ASPH: variants seen among roughly 807,000 people sequenced by gnomAD.
The protein encoded by ASPH is aspartyl/asparaginyl beta-hydroxylase.
ASPH carries 100 observed loss-of-function variants against 118.4 expected under a neutral mutation model. The observed-to-expected ratio is 0.84, with a 90% CI of 0.72 to 1.00. The LOEUF (loss-of-function observed/expected upper bound fraction) is 1.00. Among genes scored for constraint, ASPH ranks in the 50% least tolerant of loss-of-function variants. The pLI is 0.00. For synonymous variants in ASPH, 315 were observed against 325.6 expected (o/e 0.97, Z 0.35); for missense variants, 920 against 919.5 (o/e 1.00, Z -0.01).
intron 17 of ASPH, among the ~76,000 whole-genome samples, chr8:61,566,596 T>C (rs1028888462): frequency 2.0e-5 from 3 of 152,248 alleles, no homozygotes; most frequent in Admixed American, 6.5e-5. Flanking sequence ...AAACTACAGA[T>C]AAATCTTTCC....
In ASPH at chr8:61,518,042, C is replaced by T. The variant is rs779611275; in HGVS notation, c.1982G>A (p.Arg661Lys). ...CGACACTCTTGGTACCTGTCCTCTT[C>T]TGCATCCTGTTGTCTCGGGGAACTT... ...LEKFPETTGC[R>K]RGQIKYSIMH... is the part of the protein sequence containing the mutation. The change falls in exon 23 of 25, where the codon AGA becomes AAA. Residue 661 changes from arginine to lysine, a missense_variant. Transcript: ENST00000379454. 1.2e-6 allele frequency: 2 copies of T among 1,613,400 alleles called. No homozygotes were observed. The highest frequency in any genetic ancestry group is 2.2e-5 in the South Asian group (2 of 91,052).
intron 13 of ASPH, chr8:61,624,801 T>C: frequency 1.4e-5 from 14 of 985,700 alleles, no homozygotes; most frequent in Non-Finnish European, 1.7e-5. Flanking sequence ...AAAATATGGC[T>C]TTATAAAAAG....
chr8:61,605,831 G>A (rs1845404312), intron 14 of ASPH, among the ~76,000 whole-genome samples: 1 of 152,156 alleles, frequency 6.6e-6, no homozygotes, highest in African/African-American at 2.4e-5. Context: ...TGCACTAAGT[G>A]TGTTTGATAC....
chr8:61,587,131 G>C (rs1462691203), intron 14 of ASPH, among the ~76,000 whole-genome samples: 1 of 152,074 alleles, frequency 6.6e-6, no homozygotes, highest in Non-Finnish European at 1.5e-5. Context: ...TGTTTGCTAT[G>C]ATCTTCTATT....
At chr8:61,567,385 T>A in intron 16 of ASPH, 67 bp from the exon 17 acceptor site, 1 of 1,457,034 alleles carries the variant, frequency 6.9e-7, no homozygotes, top group Non-Finnish European at 9.2e-7. Flanking sequence ...CCCAAAATAT[T>A]CATAAAAAGT....
chr8:61,591,330 C>T (rs1841058896), intron 14 of ASPH, among the ~76,000 whole-genome samples: 1 of 151,430 alleles, frequency 6.6e-6, no homozygotes, highest in Non-Finnish European at 1.5e-5. Flanking sequence ...GAGTTGCTTG[C>T]TTTATAGAGT....
At chr8:61,551,582 T>C (rs1826030390) in intron 20 of ASPH, among the ~76,000 whole-genome samples, 1 of 152,206 alleles carries the variant, frequency 6.6e-6, no homozygotes, top group South Asian at 2.1e-4. Flanking sequence ...AACAAGTGTA[T>C]AGTAATGAAC....
At chr8:61,575,232 A>G (rs1834747363) in intron 16 of ASPH, among the ~76,000 whole-genome samples, 1 of 152,186 alleles carries the variant, frequency 6.6e-6, no homozygotes, top group Admixed American at 6.5e-5. Context: ...TTTTCTTTAC[A>G]GCATGTCTTA....
chr8:61,630,366 C>T (rs1449073310), intron 13 of ASPH, among the ~76,000 whole-genome samples: 1 of 151,886 alleles, frequency 6.6e-6, no homozygotes, highest in Non-Finnish European at 1.5e-5. Flanking sequence ...CAATCAGATG[C>T]AAAATTAGAC....
At chr8:61,526,220 GC>G (rs1815265157) in intron 21 of ASPH, 108 bp from the exon 22 acceptor site, 25 of 1,396,216 alleles carry the variant, frequency 1.8e-5, no homozygotes, top group Non-Finnish European at 2.3e-5. Flanking sequence ...CTAATTCTTT[GC>G]CTTATCTAGA....
intron 3 of ASPH, among the ~76,000 whole-genome samples, chr8:61,668,813 C>T (rs879414503): frequency 3.3e-5 from 5 of 152,186 alleles, no homozygotes; most frequent in Admixed American, 2.6e-4. Flanking sequence ...ATACATTTTA[C>T]ATTTTTCACC....
intron 21 of ASPH, among the ~76,000 whole-genome samples, 168 bp from the exon 22 acceptor site, chr8:61,526,280 A>T (rs1377076721): frequency 6.6e-6 from 1 of 152,064 alleles, no homozygotes; most frequent in Non-Finnish European, 1.5e-5. Context: ...AGCTATAAAA[A>T]CCCCAAATCT....
intron 13 of ASPH, among the ~76,000 whole-genome samples, chr8:61,629,713 G>A (rs949659091): frequency 2.0e-5 from 3 of 152,206 alleles, no homozygotes; most frequent in Admixed American, 6.5e-5. Flanking sequence ...CCTATGTGAT[G>A]AACTAATGCA....
At chr8:61,581,922 C>T (rs1187990239) in intron 15 of ASPH, among the ~76,000 whole-genome samples, 1 of 152,146 alleles carries the variant, frequency 6.6e-6, no homozygotes, top group Non-Finnish European at 1.5e-5. Context: ...CTGATCTATA[C>T]TTTTCTGGGG....
intron 1 of ASPH, among the ~76,000 whole-genome samples, chr8:61,705,016 A>G (rs941325933): frequency 6.6e-6 from 1 of 152,232 alleles, no homozygotes; most frequent in African/African-American, 2.4e-5. Context: ...CTTCTATAAT[A>G]TTCATAGAAT....
chr8:61,693,659 C>T (rs544554125), intron 1 of ASPH, among the ~76,000 whole-genome samples: 1 of 152,338 alleles, frequency 6.6e-6, no homozygotes, highest in Admixed American at 6.5e-5. Flanking sequence ...ACACGACGCA[C>T]AGAATGGGAA....
chr8:61,646,924 T>C (rs889409533), intron 5 of ASPH, 46 bp from the exon 6 acceptor site: 98 of 1,611,160 alleles, frequency 6.1e-5, no homozygotes, highest in Non-Finnish European at 8.0e-5. Flanking sequence ...AACTGAGACA[T>C]GAAAGCCCCT....
intron 8 of ASPH, 133 bp downstream of exon 8, chr8:61,643,812 A>C (rs558386634): frequency 1.6e-5 from 12 of 739,684 alleles, no homozygotes; most frequent in South Asian, 1.1e-4. Context: ...TAAACATCTG[A>C]CCAATCAAAA....
intron 3 of ASPH, among the ~76,000 whole-genome samples, chr8:61,677,252 GT>G (rs903532980): frequency 4.6e-5 from 7 of 152,052 alleles, no homozygotes; most frequent in Admixed American, 3.3e-4. Flanking sequence ...TTCATCATTT[GT>G]TTTTTTCCTG....
Sources: allele counts gnomAD v4.1 joint callset (sites outside exome capture counted in the v4.1 genomes callset), GRCh38; gene constraint gnomAD v4.1.1; transcripts MANE v1.5; gene names NCBI Gene and HGNC (gene_info 2026-07-23, HGNC 2026-07-21).